Variants in AATK observed in about 807,000 individuals in gnomAD.
The protein encoded by AATK is lemur tail kinase 1.
A neutral mutation model predicts 114.3 loss-of-function variants in AATK; 91 were observed. The ratio of observed to expected loss-of-function variants is 0.80; its 90% CI spans 0.67 to 0.95. The LOEUF (loss-of-function observed/expected upper bound fraction) is 0.95. AATK is among the 40% of genes least tolerant of loss of function. AATK has a pLI of 0.00. For synonymous variants in AATK, 1,075 were observed against 916.5 expected (o/e 1.17, Z -3.12); for missense variants, 2,176 against 1,965.2 (o/e 1.11, Z -2.03).
chr17:81,139,937 C>T (rs2061097980), intron 1 of AATK, among the ~76,000 whole-genome samples: 1 of 152,244 alleles, frequency 6.6e-6, no homozygotes, highest in African/African-American at 2.4e-5. Context: ...CCAGGACTGT[C>T]ACAGCCCATG....
intron 1 of AATK, among the ~76,000 whole-genome samples, chr17:81,156,237 T>TATGTTACAATGTATGTTACC (rs2061364741): frequency 6.6e-6 from 1 of 151,394 alleles, no homozygotes; most frequent in South Asian, 2.1e-4. Flanking sequence ...TGTATGTTAC[T>TATGTTACAATGTATGTTACC]ATGTTACAAT....
intron 1 of AATK, among the ~76,000 whole-genome samples, chr17:81,149,735 C>T (rs1347663824): frequency 2.0e-5 from 3 of 152,288 alleles, no homozygotes; most frequent in South Asian, 2.1e-4. Context: ...CACGCCTGTC[C>T]GGGCTCTCTG....
intron 1 of AATK, among the ~76,000 whole-genome samples, chr17:81,148,506 G>A (rs1332659670): frequency 6.6e-6 from 1 of 152,256 alleles, no homozygotes; most frequent in Non-Finnish European, 1.5e-5. Context: ...AACGTCCGCT[G>A]GACCAGTACC....
At position 81,120,248 on chromosome 17, in the gene AATK, T is replaced by C. The variant is rs770905516; in HGVS notation, c.3688A>G (p.Lys1230Glu). ...ACGTCGTCGAAGAAGGACACGGCCT[T>C]CTTCTTGCGTTCCAGGTCCTCGCAG... ...TFCEDLERKK[K>E]AVSFFDDVTV... The change falls in exon 11 of 14, where the codon AAG (lysine) becomes GAG (glutamate). Residue 1230 changes from lysine to glutamate, a missense_variant. By Grantham distance (56) the Lys-to-Glu change is moderately conservative (BLOSUM62 1). Around this residue, in one of 4 missense-constraint regions of AATK, gnomAD observed 1,701 missense variants for 1,394.7 expected, o/e 1.22. Transcript: ENST00000326724. 3.1e-6 allele frequency: 5 copies of C among 1,596,110 alleles called. No individual in the cohort carries two copies. Among genetic ancestry groups the C allele is most frequent in the Admixed American group, 1.7e-5 (1 of 59,468 alleles).
intron 1 of AATK, 140 bp from the exon 2 acceptor site, chr17:81,134,641 C>G (rs2060983520): frequency 1.8e-6 from 2 of 1,121,290 alleles, no homozygotes; most frequent in Non-Finnish European, 2.5e-6. Flanking sequence ...ACCCCAGACC[C>G]CACACCTCAC....
intron 3 of AATK, among the ~76,000 whole-genome samples, chr17:81,129,959 G>A (rs1000814780): frequency 2.6e-5 from 4 of 152,246 alleles, no homozygotes; most frequent in Admixed American, 6.5e-5. Context: ...TAGGACAGGC[G>A]TTGAGGCCTT....
intron 1 of AATK, among the ~76,000 whole-genome samples, chr17:81,136,586 C>T (rs1210493911): frequency 6.6e-6 from 1 of 152,230 alleles, no homozygotes; most frequent in African/African-American, 2.4e-5. Context: ...GCAGCTGGCC[C>T]TGGGGCACAG....
chr17:81,123,706 G>GC (rs1282878015), intron 9 of AATK, among the ~76,000 whole-genome samples: 5 of 138,278 alleles, frequency 3.6e-5, no homozygotes, highest in South Asian at 2.7e-4. Context: ...GCGGAGTAGG[G>GC]CCCGCACCAG....
intron 1 of AATK, among the ~76,000 whole-genome samples, chr17:81,153,344 G>T (rs1225172944): frequency 1.2e-4 from 18 of 152,180 alleles, no homozygotes; most frequent in Admixed American, 1.2e-3. Flanking sequence ...TTTGGAATTA[G>T]GTGTGATCAA....
Position 81,158,113 on chromosome 17 carries a change from G to A in AATK, c.55+7825C>T, listed in dbSNP as rs12449859. ...CGTCGCGGATGCATGCCGGCCACGG[G>A]TATTTCTAGACAAGACTTGCAGGGC... On this transcript the variant is annotated intron_variant, in intron 1 of 13. Coordinates refer to ENST00000326724, the MANE Select transcript of AATK (RefSeq NM_001080395.3). Among the ~76,000 whole-genome samples, 28 of 152,182 alleles carry A rather than the reference G, an allele frequency of 1.8e-4. 1 individual carries two copies. The highest frequency in any genetic ancestry group is 5.9e-5 in the Non-Finnish European group (4 of 68,030).
At chr17:81,140,584 G>A (rs2061107329) in intron 1 of AATK, among the ~76,000 whole-genome samples, 1 of 149,500 alleles carries the variant, frequency 6.7e-6, no homozygotes, top group Non-Finnish European at 1.5e-5. Flanking sequence ...CATCCCGAGG[G>A]TCTTTGGATG....
intron 1 of AATK, among the ~76,000 whole-genome samples, chr17:81,144,051 T>G (rs376284809): frequency 4.9e-4 from 74 of 152,138 alleles, no homozygotes; most frequent in African/African-American, 1.4e-3. Flanking sequence ...ACATAAGGTG[T>G]GGCTCTCTGC....
rs1445517949 is a variant in AATK at position 81,119,624 on chromosome 17, C to CCCCGG, written c.3884-49_3884-45dup. 5 of 1,519,678 alleles carry CCCCGG rather than the reference C, an allele frequency of 3.3e-6. No homozygotes were observed. The Admixed American group carries it at 8.4e-5, about 25-fold the overall frequency. 94.1% of individuals were successfully genotyped at this position (1,519,678 alleles called of 1,614,324 possible). A position where few individuals can be genotyped will look rare whatever the true frequency, so the allele number is the denominator to read the frequency against. ...CGTCACTCGCGCTCACAGCCTGGGA[C>CCCCGG]CCCGGCCCGGCCCCGCTCCCACAGT... On this transcript the variant is annotated intron_variant, in intron 12 of 13. Coordinates refer to ENST00000326724, the MANE Select transcript of AATK (RefSeq NM_001080395.3).
At chr17:81,124,246 G>T (rs78147137) in intron 9 of AATK, among the ~76,000 whole-genome samples, 6,807 of 139,788 alleles carry the variant, frequency 0.049, 187 homozygotes, top group South Asian at 0.091. Flanking sequence ...CTGGCGGCTC[G>T]GCCCTGCCCC....
intron 1 of AATK, among the ~76,000 whole-genome samples, chr17:81,138,380 G>T (rs1001644794): frequency 2.6e-4 from 28 of 109,048 alleles, no homozygotes; most frequent in African/African-American, 9.2e-4. Context: ...TGGACACACG[G>T]GCACACGTGC....
rs2060699890 is a variant in AATK at position 81,121,552 on chromosome 17, G to T, written c.2384C>A (p.Pro795His). ...GGATGGGGAGGGGACGGAAGGAAGG[G>T]GCAGGCGGGGTCCGGTAGTGCCCTC... ...EAEGTTGPRLPLPSVPSPSQE... is the reference protein window; with the variant it reads ...EAEGTTGPRLHLPSVPSPSQE... The change falls in exon 11 of 14, where the codon CCC (proline) becomes CAC (histidine). Residue 795 changes from proline (P) to histidine (H), a missense_variant. Pro to His is a moderately conservative substitution (Grantham distance 77). Coordinates refer to ENST00000326724, the MANE Select transcript of AATK (RefSeq NM_001080395.3). 6.5e-7 allele frequency: 1 copy of T among 1,528,620 alleles called. No individual in the cohort carries two copies. Among genetic ancestry groups the T allele is most frequent in the South Asian group, 1.3e-5 (1 of 78,358 alleles). 94.7% of individuals were successfully genotyped at this position (1,528,620 alleles called of 1,614,324 possible).
At chr17:81,119,256 A>AGGAGCGGGGCCGGGACGGAGC in intron 13 of AATK, 124 bp downstream of exon 13, 2 of 948,210 alleles carry the variant, frequency 2.1e-6, no homozygotes, top group Non-Finnish European at 1.4e-6. Flanking sequence ...GGGGCCGGGA[A>AGGAGCGGGGCCGGGACGGAGC]GGAGCGGAGC....
intron 1 of AATK, among the ~76,000 whole-genome samples, chr17:81,141,307 C>A (rs544714777): frequency 6.6e-6 from 1 of 152,072 alleles, no homozygotes; most frequent in African/African-American, 2.4e-5. Context: ...AAAAACTAGC[C>A]GGGCATGGTG....
At chr17:81,149,598 C>T (rs1001689370) in intron 1 of AATK, among the ~76,000 whole-genome samples, 3 of 152,086 alleles carry the variant, frequency 2.0e-5, no homozygotes, top group African/African-American at 7.2e-5. Context: ...TGACCTAGAT[C>T]ACAGCCACTT....
Sources: gnomAD v4.1 joint callset for allele counts (sites outside exome capture counted in the v4.1 genomes callset) on GRCh38, gnomAD v4.1.1 for gene constraint, gnomAD v4.1.1 regional missense constraint, MANE v1.5 for transcripts, NCBI Gene and HGNC (gene_info 2026-07-23, HGNC 2026-07-21) for gene names.